PBX3: variants seen among roughly 807,000 people sequenced by gnomAD.
PBX3 encodes PBX homeobox 3.
Under a neutral mutation model 48.5 loss-of-function variants are expected in PBX3, and 14 were observed. That is an observed-to-expected ratio of 0.29 (90% CI 0.19 to 0.45). The LOEUF (loss-of-function observed/expected upper bound fraction) is 0.45, where lower values mean the gene tolerates loss of function less well. Among genes scored for constraint, PBX3 ranks in the 20% least tolerant of loss-of-function variants. The pLI, the probability that PBX3 is intolerant of heterozygous loss-of-function variation, is 1.00. For synonymous variants in PBX3, 210 were observed against 200.3 expected (o/e 1.05, Z -0.41); for missense variants, 386 against 546.7 (o/e 0.71, Z 2.93).
intron 2 of PBX3, among the ~76,000 whole-genome samples, chr9:125,801,149 A>G (rs142875022): frequency 2.6e-5 from 4 of 152,334 alleles, no homozygotes; most frequent in African/African-American, 7.2e-5. Flanking sequence ...AGCTCCTTCT[A>G]TTATGAACTA....
At chr9:125,950,239 G>C (rs1392038346) in intron 5 of PBX3, among the ~76,000 whole-genome samples, 1 of 152,184 alleles carries the variant, frequency 6.6e-6, no homozygotes, top group East Asian at 1.9e-4. Context: ...AATGTCATGA[G>C]CAGTTATCAG....
chr9:125,825,169 A>G (rs1588187549), intron 2 of PBX3, among the ~76,000 whole-genome samples: 1 of 152,024 alleles, frequency 6.6e-6, no homozygotes, highest in Non-Finnish European at 1.5e-5. Flanking sequence ...CTATTTTCCT[A>G]GCTATTCAGG....
At chr9:125,896,535 T>C (rs1044641173) in intron 2 of PBX3, among the ~76,000 whole-genome samples, 5 of 152,074 alleles carry the variant, frequency 3.3e-5, no homozygotes, top group Admixed American at 6.6e-5. Context: ...AATTTTTATA[T>C]TTTTGATTTA....
chr9:125,796,687 T>G (rs937816444), intron 2 of PBX3, among the ~76,000 whole-genome samples: 5 of 152,298 alleles, frequency 3.3e-5, no homozygotes, highest in Admixed American at 6.5e-5. Context: ...GGAGATTTTC[T>G]TGATTAAACA....
chr9:125,788,877 A>G (rs1837527245), intron 2 of PBX3, among the ~76,000 whole-genome samples: 1 of 151,498 alleles, frequency 6.6e-6, no homozygotes, highest in Admixed American at 6.6e-5. Flanking sequence ...TCCATCTCAA[A>G]AAAAAAAAAG....
chr9:125,843,840 C>T (rs761861449), intron 2 of PBX3: 7 of 455,694 alleles, frequency 1.5e-5, no homozygotes, highest in South Asian at 7.8e-5. Context: ...AAAGTGCAGG[C>T]CTGCTGAGGC....
At chr9:125,776,710 T>A (rs1837081767) in intron 2 of PBX3, among the ~76,000 whole-genome samples, 2 of 152,068 alleles carry the variant, frequency 1.3e-5, no homozygotes, top group South Asian at 4.2e-4. Flanking sequence ...CTGGCTAATT[T>A]TTTTTGTATT....
chr9:125,768,314 C>A (rs1836853780), intron 2 of PBX3, among the ~76,000 whole-genome samples: 1 of 152,088 alleles, frequency 6.6e-6, no homozygotes, highest in African/African-American at 2.4e-5. Context: ...TATGTAAAGA[C>A]TTTTGAAGAG....
Position 125,804,947 on chromosome 9 carries a change from T to TAA in PBX3, c.274+56342_274+56343dup, listed in dbSNP as rs547253775. ...GGGTGACAAGAGCAAGGCTCTGTCT[T>TAA]AAAAAAAAAAAAAAAAAAAGAAGAA... is the stretch of plus-strand genomic sequence containing the variant. On this transcript the variant is annotated intron_variant, in intron 2 of 8. Transcript: ENST00000373489. Among the ~76,000 whole-genome samples, 55 of 53,522 alleles carry TAA rather than the reference T, an allele frequency of 1.0e-3. No individual in the cohort carries two copies. The East Asian group carries it at 0.021, about 20-fold the overall frequency. The allele number at this position is 53,522 out of a possible 152,430, so 35.1% of individuals were successfully genotyped here.
intron 2 of PBX3, among the ~76,000 whole-genome samples, chr9:125,880,279 G>A (rs1405590551): frequency 6.6e-6 from 1 of 152,146 alleles, no homozygotes; most frequent in Non-Finnish European, 1.5e-5. Context: ...TCCTGACCTC[G>A]TGATCCGCCT....
intron 2 of PBX3, among the ~76,000 whole-genome samples, chr9:125,910,530 G>A (rs1841179236): frequency 1.3e-5 from 2 of 151,916 alleles, no homozygotes; most frequent in African/African-American, 4.8e-5. Context: ...TCAAGCGAAA[G>A]TGACAACTAG....
intron 2 of PBX3, among the ~76,000 whole-genome samples, chr9:125,806,326 T>A (rs1838123563): frequency 6.6e-6 from 1 of 152,156 alleles, no homozygotes; most frequent in South Asian, 2.1e-4. Flanking sequence ...GGGTATTGTC[T>A]TAGTCTGTTT....
At chr9:125,946,665 T>C (rs1251293842) in intron 5 of PBX3, among the ~76,000 whole-genome samples, 1 of 152,000 alleles carries the variant, frequency 6.6e-6, no homozygotes, top group Non-Finnish European at 1.5e-5. Context: ...AATAATGATA[T>C]TGAAGAATAC....
intron 2 of PBX3, among the ~76,000 whole-genome samples, chr9:125,861,466 A>T (rs1839862566): frequency 6.6e-6 from 1 of 152,194 alleles, no homozygotes; most frequent in Admixed American, 6.5e-5. Flanking sequence ...ATGACCCAGC[A>T]ATTTTATGCC....
Position 125,958,322 on chromosome 9 carries a change from A to G in PBX3, c.844-2362A>G, listed in dbSNP as rs62570471. 5.9e-3 allele frequency among the ~76,000 whole-genome samples: 896 copies of G among 152,276 alleles called. 3 individuals are homozygous for G. The highest frequency in any genetic ancestry group is 0.012 in the Admixed American group (186 of 15,298). ...TCAGGCCCTCATGGCTTCCTCGCTTATATACTCTCCTAACTTCCTCCTGTT... is the reference window on the plus strand; with the variant it reads ...TCAGGCCCTCATGGCTTCCTCGCTTGTATACTCTCCTAACTTCCTCCTGTT... On this transcript the variant is annotated intron_variant, in intron 5 of 8. Coordinates refer to ENST00000373489, the MANE Select transcript of PBX3 (RefSeq NM_006195.6).
intron 4 of PBX3, among the ~76,000 whole-genome samples, chr9:125,934,237 T>G (rs1375891161): frequency 6.6e-6 from 1 of 152,172 alleles, no homozygotes; most frequent in East Asian, 1.9e-4. Flanking sequence ...AATGTTGAAA[T>G]GTAGATCACA....
At chr9:125,849,542 A>G (rs1030263492) in intron 2 of PBX3, among the ~76,000 whole-genome samples, 2 of 151,988 alleles carry the variant, frequency 1.3e-5, no homozygotes, top group African/African-American at 2.4e-5. Flanking sequence ...ACCATGTTTC[A>G]TTGATTCTAA....
At chr9:125,951,962 T>G (rs1842204721) in intron 5 of PBX3, among the ~76,000 whole-genome samples, 1 of 152,192 alleles carries the variant, frequency 6.6e-6, no homozygotes, top group Non-Finnish European at 1.5e-5. Context: ...CACCATTAAC[T>G]TTAAAAAATT....
chr9:125,760,543 T>A (rs1199823926), intron 2 of PBX3, among the ~76,000 whole-genome samples: 1 of 152,186 alleles, frequency 6.6e-6, no homozygotes, highest in African/African-American at 2.4e-5. Context: ...CTATTAGAAT[T>A]CTATCTACAG....
Sources: allele counts gnomAD v4.1 joint callset (sites outside exome capture counted in the v4.1 genomes callset), GRCh38; gene constraint gnomAD v4.1.1; transcripts MANE v1.5; gene names NCBI Gene and HGNC (gene_info 2026-07-23, HGNC 2026-07-21).